APBA1: variants seen among roughly 807,000 people sequenced by gnomAD.
APBA1 encodes the protein amyloid beta precursor protein binding family A member 1.
APBA1 carries 55 observed loss-of-function variants against 86.6 expected under a neutral mutation model. That is an observed-to-expected ratio of 0.64 (90% CI 0.51 to 0.80). The LOEUF is 0.80. APBA1 is among the 30% of genes least tolerant of loss of function. The pLI is 0.00. For missense variants in APBA1, 1,090 were observed against 1,183.0 expected (o/e 0.92, Z 1.15); for synonymous variants, 511 against 493.9 (o/e 1.03, Z -0.46).
chr9:69,515,705 CGGGG>C lies in APBA1; in HGVS notation c.1200+302_1200+305del, dbSNP rs573241752. On this transcript the variant is annotated intron_variant, in intron 2 of 12. Coordinates refer to ENST00000265381, the MANE Select transcript of APBA1 (RefSeq NM_001163.4). ...AATCAGAAACTGGGGGGGGGGGGGGCGGGGGGTGGAGGGCGATGTACCCAATAAT... is the reference window on the plus strand; with the variant it reads ...AATCAGAAACTGGGGGGGGGGGGGGCGGTGGAGGGCGATGTACCCAATAAT... Among the ~76,000 whole-genome samples the C allele has an allele frequency of 2.2e-3, 123 of 56,720 alleles. 4 individuals are homozygous for C. Among genetic ancestry groups the C allele is most frequent in the African/African-American group, 8.4e-3 (115 of 13,768 alleles). The allele number at this position is 56,720 out of a possible 152,430, so 37.2% of individuals were successfully genotyped here.
At chr9:69,538,499 T>C (rs1013816532) in intron 1 of APBA1, among the ~76,000 whole-genome samples, 1 of 152,182 alleles carries the variant, frequency 6.6e-6, no homozygotes, top group African/African-American at 2.4e-5. Flanking sequence ...ATTTAGGAGA[T>C]GAGAACTCAA....
chr9:69,536,704 T>TAAAA (rs71356116), intron 1 of APBA1, among the ~76,000 whole-genome samples: 1 of 55,934 alleles, frequency 1.8e-5, no homozygotes, highest in Non-Finnish European at 3.4e-5. Context: ...CCATCTCTAC[T>TAAAA]AAAAAAAAAA....
chr9:69,663,223 A>G (rs1823785191), intron 1 of APBA1, among the ~76,000 whole-genome samples: 1 of 152,242 alleles, frequency 6.6e-6, no homozygotes, highest in African/African-American at 2.4e-5. Context: ...AAGGACAAGT[A>G]TTGTTGAGTG....
chr9:69,567,801 T>G (rs1837052403), intron 1 of APBA1, among the ~76,000 whole-genome samples: 1 of 152,112 alleles, frequency 6.6e-6, no homozygotes, highest in Non-Finnish European at 1.5e-5. Context: ...GGACATCCTG[T>G]GGGGGACTCC....
intron 1 of APBA1, among the ~76,000 whole-genome samples, chr9:69,592,842 T>G (rs1396710937): frequency 2.0e-5 from 3 of 152,194 alleles, no homozygotes; most frequent in Non-Finnish European, 1.5e-5. Context: ...GTTTCTTATG[T>G]GAGCTTTTCT....
intron 2 of APBA1, among the ~76,000 whole-genome samples, chr9:69,502,191 A>G (rs779149119): frequency 1.2e-4 from 18 of 152,070 alleles, no homozygotes; most frequent in Admixed American, 3.3e-4. Flanking sequence ...ACACACAGTA[A>G]CTGGAAAACG....
rs752069562 is a variant in APBA1 at position 69,432,663 on chromosome 9, A to G, written c.2315T>C (p.Met772Thr). The G allele has an allele frequency of 1.3e-6, 2 of 1,588,782 alleles. No individual in the cohort carries two copies. Among genetic ancestry groups the G allele is most frequent in the East Asian group, 2.3e-5 (1 of 43,022 alleles). ...SVQNGIICSL[M>T]RGGIAERGGV... Reference sequence around the variant, plus strand: ...TCCTCTCTCAGCTATTCCCCCTCGCATGAGGCTGCAGATCTGCCAGAGTCA... The same window carrying G: ...TCCTCTCTCAGCTATTCCCCCTCGCGTGAGGCTGCAGATCTGCCAGAGTCA... Residue 772 changes from methionine (M) to threonine (T), a missense_variant, in exon 12 of 13, where the codon ATG becomes ACG. Physicochemically the swap from Met to Thr is moderately conservative, Grantham distance 81. Coordinates refer to ENST00000265381, the MANE Select transcript of APBA1 (RefSeq NM_001163.4).
At chr9:69,658,744 C>T (rs1314251535) in intron 1 of APBA1, among the ~76,000 whole-genome samples, 1 of 152,060 alleles carries the variant, frequency 6.6e-6, no homozygotes, top group Non-Finnish European at 1.5e-5. Flanking sequence ...ACCCAACAGC[C>T]AGCACCTATG....
At chr9:69,441,205 G>T in intron 10 of APBA1, 90 bp from the exon 11 acceptor site, 1 of 1,475,522 alleles carries the variant, frequency 6.8e-7, no homozygotes. Flanking sequence ...AAAAGAAGCT[G>T]CACTGAGTCT....
At position 69,600,829 on chromosome 9, in the gene APBA1, TAAATA is replaced by T. The variant is rs1156426676; in HGVS notation, c.-70+71319_-70+71323del. Among the ~76,000 whole-genome samples the T allele has an allele frequency of 2.0e-5, 3 of 147,346 alleles. No individual in the cohort carries two copies. The East Asian group carries it at 5.9e-4, about 29-fold the overall frequency. ...AATAATAAATAAATAAATAAATAAA[TAAATA>T]AAATAAAATAAAAAATAAATAAAAT... is the stretch of plus-strand genomic sequence containing the variant. On this transcript the variant is annotated intron_variant, in intron 1 of 12. Transcript: ENST00000265381.
intron 1 of APBA1, among the ~76,000 whole-genome samples, chr9:69,582,584 TG>T (rs1218559769): frequency 6.6e-6 from 1 of 152,132 alleles, no homozygotes; most frequent in African/African-American, 2.4e-5. Context: ...TCTGTCAAAA[TG>T]GGGGAAATAC....
At chr9:69,499,982 G>A (rs1445038778) in intron 2 of APBA1, among the ~76,000 whole-genome samples, 7 of 152,080 alleles carry the variant, frequency 4.6e-5, no homozygotes, top group East Asian at 1.9e-4. Context: ...CTGAAATCAG[G>A]AGTAGAATGC....
At chr9:69,464,541 G>A (rs141361277) in intron 5 of APBA1, 1 of 152,292 alleles carries the variant, frequency 6.6e-6, no homozygotes, top group East Asian at 1.9e-4. Flanking sequence ...CTGATCAACA[G>A]AGCCATCTAA....
intron 2 of APBA1, among the ~76,000 whole-genome samples, chr9:69,484,547 C>A (rs914127927): frequency 6.6e-6 from 1 of 152,152 alleles, no homozygotes; most frequent in Non-Finnish European, 1.5e-5. Flanking sequence ...TTAGAAAGTT[C>A]ACCCTCATTC....
intron 1 of APBA1, among the ~76,000 whole-genome samples, chr9:69,527,714 C>T (rs1836366223): frequency 6.6e-6 from 1 of 152,058 alleles, no homozygotes; most frequent in East Asian, 1.9e-4. Flanking sequence ...CCTTGGCTGA[C>T]TCTATACTTA....
intron 1 of APBA1, among the ~76,000 whole-genome samples, chr9:69,653,463 TAACA>T (rs1048189453): frequency 2.6e-5 from 4 of 152,194 alleles, no homozygotes; most frequent in Non-Finnish European, 5.9e-5. Flanking sequence ...CAAATGGACC[TAACA>T]AACATTTACA....
intron 1 of APBA1, among the ~76,000 whole-genome samples, chr9:69,575,124 C>T (rs534389362): frequency 3.3e-5 from 5 of 152,144 alleles, no homozygotes; most frequent in African/African-American, 1.2e-4. Flanking sequence ...CAACATGTTG[C>T]CCAGGCTGGT....
intron 1 of APBA1, among the ~76,000 whole-genome samples, chr9:69,523,206 G>A (rs1836280386): frequency 6.6e-6 from 1 of 152,000 alleles, no homozygotes; most frequent in Non-Finnish European, 1.5e-5. Context: ...AGGGGAGGCT[G>A]TAAATTACTT....
rs189422938 is a variant in APBA1, at chr9:69,622,107, A to G, written c.-70+50046T>C. Among the ~76,000 whole-genome samples the G allele has an allele frequency of 6.9e-3, 1,049 of 152,258 alleles. 6 individuals carry two copies. The highest frequency in any genetic ancestry group is 0.024 in the African/African-American group (1,002 of 41,556). ...AAGCCCAGACTCTGAAATTATCTCAATTGGTCTGGGATGGGCCCCAGGAAT... is the reference window on the plus strand; with the variant it reads ...AAGCCCAGACTCTGAAATTATCTCAGTTGGTCTGGGATGGGCCCCAGGAAT... On this transcript the variant is annotated intron_variant, in intron 1 of 12. Transcript: ENST00000265381.
Sources: allele counts gnomAD v4.1 joint callset (sites outside exome capture counted in the v4.1 genomes callset), GRCh38; gene constraint gnomAD v4.1.1; transcripts MANE v1.5; gene names NCBI Gene and HGNC (gene_info 2026-07-23, HGNC 2026-07-21).